Variants in TMEM234 observed in about 807,000 individuals in gnomAD.
TMEM234 encodes transmembrane protein 234.
A neutral mutation model predicts 17.8 loss-of-function variants in TMEM234; 21 were observed. The ratio of observed to expected loss-of-function variants is 1.18; its 90% CI spans 0.84 to 1.70. The LOEUF (loss-of-function observed/expected upper bound fraction) is 1.70. Ranked by LOEUF, TMEM234 falls within the 40% of genes most tolerant of loss-of-function variation. TMEM234 has a pLI of 0.00. For missense variants in TMEM234, 137 were observed against 166.9 expected (o/e 0.82, Z 0.99); for synonymous variants, 83 against 73.5 (o/e 1.13, Z -0.66).
intron 1 of TMEM234, 56 bp downstream of exon 1, chr1:32,222,251 A>G (rs1638998589): frequency 6.5e-7 from 1 of 1,528,652 alleles, no homozygotes; most frequent in Non-Finnish European, 8.8e-7. Context: ...TGGAGCAGGA[A>G]ATGAATTCGA....
chr1:32,219,022 G>T (rs915791982), intron 3 of TMEM234, among the ~76,000 whole-genome samples: 1 of 151,516 alleles, frequency 6.6e-6, no homozygotes, highest in African/African-American at 2.4e-5. Context: ...TAAGGAAGGA[G>T]AGTCACTTGA....
downstream of TMEM234, chr1:32,215,025 A>G (rs1393183530): frequency 1.3e-6 from 2 of 1,506,472 alleles, no homozygotes; most frequent in East Asian, 4.6e-5. Context: ...CCATGGGAGC[A>G]GAATGCTCAG....
At chr1:32,217,213 C>A (rs1188725501) in intron 4 of TMEM234, 46 bp downstream of exon 4, 2 of 1,613,978 alleles carry the variant, frequency 1.2e-6, no homozygotes, top group African/African-American at 2.7e-5. Flanking sequence ...ACAGGTATGT[C>A]GAGATCCACA....
chr1:32,216,052 C>T (rs1638359535), downstream of TMEM234: 1 of 743,640 alleles, frequency 1.3e-6, no homozygotes, highest in South Asian at 1.7e-5. Flanking sequence ...TGCTCCTAAA[C>T]CCACAGCCCA....
At chr1:32,217,595 A>C (rs1394989211) in intron 3 of TMEM234, 4 of 822,750 alleles carry the variant, frequency 4.9e-6, no homozygotes, top group Non-Finnish European at 7.9e-6. Flanking sequence ...GATAATGAGA[A>C]TGAGGTCTTT....
chr1:32,220,709 G>C (rs1638820804), intron 3 of TMEM234, among the ~76,000 whole-genome samples: 1 of 152,170 alleles, frequency 6.6e-6, no homozygotes, highest in Non-Finnish European at 1.5e-5. Flanking sequence ...AGCTCTGACT[G>C]TGTGCCAGGC....
In TMEM234 at chr1:32,216,758, G is replaced by C; in HGVS notation, c.*95C>G. On this transcript the variant is annotated 3_prime_UTR_variant, in exon 5 of 5. Coordinates refer to ENST00000309777, the MANE Select transcript of TMEM234 (RefSeq NM_019118.5). ...ATAAGAGAGGAGGAAGCTAAGGCCAGAGAGGGGAAGTGCTAGGTCCATCCG... is the reference window on the plus strand; with the variant it reads ...ATAAGAGAGGAGGAAGCTAAGGCCACAGAGGGGAAGTGCTAGGTCCATCCG... 1 of 1,545,922 alleles carries C rather than the reference G, an allele frequency of 6.5e-7. No individual in the cohort carries two copies.
chr1:32,215,012 T>C (rs1448218151), downstream of TMEM234: 4 of 1,550,938 alleles, frequency 2.6e-6, no homozygotes, highest in Non-Finnish European at 3.5e-6. Flanking sequence ...TTGTTGGGGA[T>C]GTCCATGGGA....
intron 3 of TMEM234, among the ~76,000 whole-genome samples, chr1:32,218,854 C>T (rs767691636): frequency 6.6e-6 from 1 of 152,184 alleles, no homozygotes; most frequent in African/African-American, 2.4e-5. Context: ...AGGAGAATTG[C>T]TTGAACCTGG....
downstream of TMEM234, chr1:32,215,240 G>T: frequency 1.7e-6 from 1 of 587,974 alleles, no homozygotes; most frequent in South Asian, 2.3e-5. Context: ...TGCTTAAAGC[G>T]ATAAGACTTC....
At chr1:32,215,159 C>T (rs1181786523), downstream of TMEM234, 2 of 638,226 alleles carry the variant, frequency 3.1e-6, no homozygotes, top group Non-Finnish European at 5.2e-6. Context: ...TCTCCAGCTG[C>T]CCCCGTCTGT....
chr1:32,214,627 A>T, downstream of TMEM234: 1 of 896,712 alleles, frequency 1.1e-6, no homozygotes, highest in Non-Finnish European at 1.7e-6. Flanking sequence ...TGGATAAGTC[A>T]GGCTGGTGGG....
In TMEM234 at chr1:32,216,963, G is replaced by C; in HGVS notation, c.329-16C>G. 1 of 1,614,186 alleles carries C rather than the reference G, an allele frequency of 6.2e-7. No homozygotes were observed. The highest frequency in any genetic ancestry group is 1.1e-5 in the South Asian group (1 of 91,062). ...GCAACTGCTCCTGGGATAATAGGCA[G>C]AAATCAGGAGGGTCTGAGCTCAGCC... On this transcript the variant is annotated splice_polypyrimidine_tract_variant and intron_variant, in intron 4 of 4. Coordinates refer to ENST00000309777, the MANE Select transcript of TMEM234 (RefSeq NM_019118.5).
At chr1:32,221,301 T>C in intron 2 of TMEM234, 104 bp from the exon 3 acceptor site, 2 of 873,910 alleles carry the variant, frequency 2.3e-6, no homozygotes, top group Non-Finnish European at 1.9e-6. Flanking sequence ...GGCAGGGTTA[T>C]AAGGACCCAG....
In TMEM234 at chr1:32,221,998, G is replaced by C. The variant is rs750200595; in HGVS notation, c.37C>G (p.Leu13Val). The C allele has an allele frequency of 5.0e-6, 8 of 1,611,936 alleles. No individual in the cohort carries two copies. The Admixed American group carries it at 1.3e-4, about 27-fold the overall frequency. Residue 13 changes from leucine (L) to valine (V), a missense_variant, in exon 2 of 5, where the codon CTG (leucine) becomes GTG (valine). Leu to Val is a conservative substitution (Grantham distance 32, BLOSUM62 1). Transcript: ENST00000309777. ...GTGCCACCCCACAGAGCGGCCACCA[G>C]CACCAGAGCCAACACCTGCCCTGAA... ...ASLGQVLALV[L>V]VAALWGGTQP...
rs750288817 is a variant in TMEM234 at position 32,221,907 on chromosome 1, T to G, written c.128A>C (p.Gln43Pro). ...QRVHEPTWAQQLLQEMKTLFL... is the reference protein window; with the variant it reads ...QRVHEPTWAQPLLQEMKTLFL... ...GAGGGTCTTCATCTCCTGTAGCAAC[T>G]GCTGGGCCCAGGTCGGCTCATGAAC... Residue 43 changes from glutamine (Q) to proline (P), a missense_variant, in exon 2 of 5, where the codon CAG becomes CCG. Physicochemically the swap from Gln to Pro is moderately conservative, Grantham distance 76. Coordinates refer to ENST00000309777, the MANE Select transcript of TMEM234 (RefSeq NM_019118.5). The G allele has an allele frequency of 4.3e-6, 7 of 1,612,496 alleles. No homozygotes were observed. The Admixed American group carries it at 1.2e-4, about 27-fold the overall frequency.
At chr1:32,215,032 T>C, downstream of TMEM234, 1 of 1,430,958 alleles carries the variant, frequency 7.0e-7, no homozygotes, top group Non-Finnish European at 9.3e-7. Context: ...AGCAGAATGC[T>C]CAGACACAAA....
rs1314214078 is a variant in TMEM234 at position 32,216,652 on chromosome 1, G to A, written c.*201C>T. 2.5e-5 allele frequency: 37 copies of A among 1,509,026 alleles called. No individual in the cohort carries two copies. Among genetic ancestry groups the A allele is most frequent in the African/African-American group, 6.9e-5 (5 of 71,982 alleles). The allele number at this position is 1,509,026 out of a possible 1,614,324, so 93.5% of individuals were successfully genotyped here. A position where few individuals can be genotyped will look rare whatever the true frequency, so the allele number is the denominator to read the frequency against. ...GTAGAGTCTCCTGTGCTAAATCCCC[G>A]CAGCTGAACAGCACTTGAAGGTTAC... On this transcript the variant is annotated 3_prime_UTR_variant, in exon 5 of 5. Coordinates refer to ENST00000309777, the MANE Select transcript of TMEM234 (RefSeq NM_019118.5).
intron 3 of TMEM234, 100 bp from the exon 4 acceptor site, chr1:32,217,451 T>C (rs1638501078): frequency 1.9e-6 from 3 of 1,571,148 alleles, no homozygotes; most frequent in South Asian, 2.3e-5. Context: ...AAAAAAGGTA[T>C]CAAAACCCCA....
Sources: gnomAD v4.1 joint callset for allele counts (sites outside exome capture counted in the v4.1 genomes callset) on GRCh38, gnomAD v4.1.1 for gene constraint, MANE v1.5 for transcripts, NCBI Gene and HGNC (gene_info 2026-07-23, HGNC 2026-07-21) for gene names.